Variants in MCF2L2 observed in about 807,000 individuals in gnomAD.
MCF2L2 encodes the protein probable guanine nucleotide exchange factor MCF2L2.
In MCF2L2, 102 loss-of-function variants were observed where a neutral mutation model predicts 150.2. That is an observed-to-expected ratio of 0.68 (90% CI 0.58 to 0.80). MCF2L2 has a LOEUF of 0.80. Among genes scored for constraint, MCF2L2 ranks in the 30% least tolerant of loss-of-function variants. MCF2L2 has a pLI of 0.00. For missense variants in MCF2L2, 1,256 were observed against 1,372.8 expected, an observed-to-expected ratio of 0.91 and a Z score of 1.34; for synonymous variants, 465 against 491.3, an observed-to-expected ratio of 0.95 and a Z score of 0.71.
At chr3:183,268,879 C>T (rs1295084034) in intron 15 of MCF2L2, among the ~76,000 whole-genome samples, 2 of 151,966 alleles carry the variant, frequency 1.3e-5, no homozygotes, top group African/African-American at 2.4e-5. Flanking sequence ...TACATTGAGG[C>T]GCCTGCTGCA....
intron 1 of MCF2L2, among the ~76,000 whole-genome samples, chr3:183,411,094 G>A (rs1715294224): frequency 6.6e-6 from 1 of 152,194 alleles, no homozygotes; most frequent in African/African-American, 2.4e-5. Context: ...AAGACCACCT[G>A]GGTTCAAATC....
chr3:183,279,001 C>A (rs1385507357), intron 14 of MCF2L2, among the ~76,000 whole-genome samples: 3 of 152,080 alleles, frequency 2.0e-5, no homozygotes, highest in African/African-American at 7.2e-5. Context: ...AACACTGGTG[C>A]CATTGAGGAT....
At chr3:183,395,695 G>C (rs1714399372) in intron 1 of MCF2L2, among the ~76,000 whole-genome samples, 1 of 152,036 alleles carries the variant, frequency 6.6e-6, no homozygotes, top group Non-Finnish European at 1.5e-5. Context: ...GAAGTGGGAG[G>C]ATCACCTGAG....
intron 14 of MCF2L2, chr3:183,287,339 T>C (rs940002898): frequency 1.3e-5 from 2 of 152,018 alleles, no homozygotes; most frequent in African/African-American, 2.4e-5. Context: ...GTCGTAGAGA[T>C]AGGAAGTGAG....
intron 23 of MCF2L2, among the ~76,000 whole-genome samples, chr3:183,206,493 A>T (rs767573638): frequency 7.9e-5 from 12 of 152,184 alleles, no homozygotes; most frequent in Non-Finnish European, 1.8e-4. Flanking sequence ...CAGTGAAGAG[A>T]TCATTTCTCC....
At chr3:183,400,950 C>A (rs562007914) in intron 1 of MCF2L2, among the ~76,000 whole-genome samples, 1 of 152,290 alleles carries the variant, frequency 6.6e-6, no homozygotes, top group South Asian at 2.1e-4. Flanking sequence ...AGGCTTAACG[C>A]TGCAGCCAGT....
intron 22 of MCF2L2, among the ~76,000 whole-genome samples, chr3:183,214,614 G>GA (rs991596407): frequency 2.0e-5 from 3 of 149,884 alleles, no homozygotes; most frequent in African/African-American, 4.9e-5. Flanking sequence ...AAAATGAAAA[G>GA]AAAAAAAAAG....
chr3:183,400,580 G>A (rs573374928), intron 1 of MCF2L2: 17 of 409,386 alleles, frequency 4.2e-5, no homozygotes, highest in South Asian at 2.1e-4. Flanking sequence ...CCTTTCTCCC[G>A]GTTAATCTCC....
At chr3:183,225,040 T>C (rs956981866) in intron 18 of MCF2L2, 2 of 152,346 alleles carry the variant, frequency 1.3e-5, no homozygotes, top group African/African-American at 4.8e-5. Context: ...GAGAAGCCCA[T>C]GTAGCCACCT....
chr3:183,216,231 C>T (rs1305756502), intron 21 of MCF2L2, 137 bp from the exon 22 acceptor site: 2 of 937,898 alleles, frequency 2.1e-6, no homozygotes, highest in East Asian at 2.6e-5. Context: ...TGTCTCCCTG[C>T]TCCCAAAGCA....
intron 22 of MCF2L2, among the ~76,000 whole-genome samples, chr3:183,212,564 C>A (rs1310509535): frequency 6.6e-6 from 1 of 152,156 alleles, no homozygotes; most frequent in Non-Finnish European, 1.5e-5. Flanking sequence ...CTACATTGGC[C>A]AAATGAAGAG....
intron 14 of MCF2L2, among the ~76,000 whole-genome samples, chr3:183,282,669 T>C (rs560079541): frequency 5.9e-5 from 9 of 152,312 alleles, no homozygotes; most frequent in African/African-American, 2.2e-4. Flanking sequence ...GGCTGTTTGG[T>C]TTCATCTGAT....
At position 183,270,096 on chromosome 3, in the gene MCF2L2, A is replaced by T; in HGVS notation, c.1862+6776T>A. 1.2e-6 allele frequency: 2 copies of T among 1,614,166 alleles called. No individual in the cohort carries two copies. Among genetic ancestry groups the T allele is most frequent in the Non-Finnish European group, 1.7e-6 (2 of 1,180,046 alleles). On this transcript the variant is annotated intron_variant, in intron 15 of 29. Transcript: ENST00000328913. This position sits in a 1 kb window ranked among gnomAD's most constrained non-coding sequence, Gnocchi z 4.5. ...ACTGTTTGTAAAAACTGCTCCTGAA[A>T]ACTATGATCGACGTTCCGGAATTAG...
intron 27 of MCF2L2, among the ~76,000 whole-genome samples, chr3:183,184,907 CT>C (rs992487364): frequency 2.0e-5 from 3 of 147,150 alleles, no homozygotes; most frequent in Non-Finnish European, 3.0e-5. Context: ...CAATGCACAA[CT>C]TTTTTTTTCT....
chr3:183,342,836 T>C (rs756539570), intron 3 of MCF2L2, among the ~76,000 whole-genome samples: 5 of 152,190 alleles, frequency 3.3e-5, no homozygotes, highest in African/African-American at 9.7e-5. Flanking sequence ...AGTTGGCCTA[T>C]AGTAAACCTT....
In MCF2L2 at chr3:183,389,709, A is replaced by T. The variant is rs759314794; in HGVS notation, c.147T>A (p.Phe49Leu). 10 of 1,614,016 alleles carry T rather than the reference A, an allele frequency of 6.2e-6. No homozygotes were observed. The highest frequency in any genetic ancestry group is 5.1e-6 in the Non-Finnish European group (6 of 1,179,982). The part of the protein sequence containing the change: ...VEIIEQLHRQ[F>L]AILSGGRGED... The stretch of plus-strand genomic sequence containing the variant: ...TGTGCCCCTTACCTGAAAGAATGGC[A>T]AATTGTCTGTGAAGTTGTTCTATTA... The change falls in exon 2 of 30, where the codon TTT (phenylalanine) becomes TTA (leucine). Residue 49 changes from phenylalanine (F) to leucine (L), a missense_variant. Physicochemically the swap from Phe to Leu is conservative, Grantham distance 22. Coordinates refer to ENST00000328913, the MANE Select transcript of MCF2L2 (RefSeq NM_015078.4).
intron 15 of MCF2L2, among the ~76,000 whole-genome samples, chr3:183,264,391 A>C (rs966860929): frequency 1.3e-5 from 2 of 152,206 alleles, no homozygotes; most frequent in African/African-American, 2.4e-5. Context: ...ATGCAGACAC[A>C]CTGTACCTTA....
rs777641562 is a variant in MCF2L2, at chr3:183,338,789, G to A, written c.486+11C>T. On this transcript the variant is annotated intron_variant, in intron 5 of 29. Transcript: ENST00000328913. ...CTAACCAAATGAGACAAGATGAAAGGTCTTGCTTACCGGCACTTTCGTTTT... is the reference window on the plus strand; with the variant it reads ...CTAACCAAATGAGACAAGATGAAAGATCTTGCTTACCGGCACTTTCGTTTT... 1.3e-5 allele frequency: 21 copies of A among 1,593,518 alleles called. No homozygotes were observed. The South Asian group carries it at 2.3e-4, about 17-fold the overall frequency.
intron 15 of MCF2L2, among the ~76,000 whole-genome samples, chr3:183,255,071 A>G (rs1359893139): frequency 6.6e-6 from 1 of 152,206 alleles, no homozygotes; most frequent in Non-Finnish European, 1.5e-5. Context: ...CCTGAGGCTC[A>G]TATTTATGGT....
Sources: gnomAD v4.1 joint callset for allele counts (sites outside exome capture counted in the v4.1 genomes callset) on GRCh38, gnomAD v4.1.1 for gene constraint, Gnocchi (gnomAD v3.1) non-coding constraint, MANE v1.5 for transcripts, NCBI Gene and HGNC (gene_info 2026-07-23, HGNC 2026-07-21) for gene names.